The following ERC2 variants were observed in gnomAD, a reference collection of about 807,000 sequenced individuals.
ERC2 encodes the protein ERC protein 2.
A neutral mutation model predicts 114.8 loss-of-function variants in ERC2; 42 were observed. The observed-to-expected ratio is 0.37, with a 90% confidence interval of 0.29 to 0.47. ERC2 has a LOEUF of 0.47. ERC2 is among the 20% of genes least tolerant of loss of function. The pLI is 0.99. For synonymous variants in ERC2, 454 were observed against 425.5 expected, an observed-to-expected ratio of 1.07 and a Z score of -0.82; for missense variants, 939 against 1,150.7, an observed-to-expected ratio of 0.82 and a Z score of 2.66.
chr3:55,602,772 T>A (rs1374741394), intron 17 of ERC2, among the ~76,000 whole-genome samples: 1 of 152,088 alleles, frequency 6.6e-6, no homozygotes, highest in Non-Finnish European at 1.5e-5. Flanking sequence ...GAACGCCTGA[T>A]CATCTTTCAT....
At chr3:56,426,655 G>C (rs866732745) in intron 2 of ERC2, among the ~76,000 whole-genome samples, 30 of 152,202 alleles carry the variant, frequency 2.0e-4, no homozygotes, top group African/African-American at 7.0e-4. Context: ...TCCACCATGA[G>C]AAGATGAAGC....
chr3:55,993,960 A>T (rs2071282232), intron 10 of ERC2, among the ~76,000 whole-genome samples: 1 of 152,134 alleles, frequency 6.6e-6, no homozygotes, highest in African/African-American at 2.4e-5. Flanking sequence ...TAGAGCAGAA[A>T]TTCTATTTTA....
intron 3 of ERC2, among the ~76,000 whole-genome samples, chr3:56,260,708 A>G (rs1460656620): frequency 1.3e-5 from 2 of 151,912 alleles, no homozygotes; most frequent in African/African-American, 4.8e-5. Flanking sequence ...CTCCCTCCAT[A>G]CCCTGACCTG....
intron 7 of ERC2, among the ~76,000 whole-genome samples, chr3:56,037,783 T>C (rs1426040230): frequency 6.6e-6 from 1 of 151,556 alleles, no homozygotes; most frequent in Non-Finnish European, 1.5e-5. Flanking sequence ...GAAGGAAAAA[T>C]GTTAAGGGCA....
intron 14 of ERC2, among the ~76,000 whole-genome samples, chr3:55,819,652 C>T (rs1022323847): frequency 2.6e-5 from 4 of 152,194 alleles, no homozygotes; most frequent in African/African-American, 9.6e-5. Context: ...AAAGGAAAGG[C>T]TCTGGAGCCC....
At chr3:56,001,699 A>G (rs983528647) in intron 10 of ERC2, among the ~76,000 whole-genome samples, 1 of 152,114 alleles carries the variant, frequency 6.6e-6, no homozygotes, top group Non-Finnish European at 1.5e-5. Flanking sequence ...ACCTATCCTG[A>G]CAGGGAGAGT....
intron 7 of ERC2, among the ~76,000 whole-genome samples, chr3:56,068,089 G>A (rs568567473): frequency 1.3e-5 from 2 of 152,122 alleles, no homozygotes; most frequent in Non-Finnish European, 2.9e-5. Context: ...CTTTTCAATT[G>A]TTTGGAAATA....
intron 17 of ERC2, chr3:55,658,706 A>G (rs541487776): frequency 4.1e-4 from 63 of 152,700 alleles, no homozygotes; most frequent in Non-Finnish European, 5.3e-4. Flanking sequence ...GAGCCACATA[A>G]TCAGAAGACT....
At chr3:56,084,867 T>A (rs1487919196) in intron 6 of ERC2, among the ~76,000 whole-genome samples, 59 of 132,982 alleles carry the variant, frequency 4.4e-4, no homozygotes, top group South Asian at 9.4e-4. Flanking sequence ...ATTTAAAAAT[T>A]AAAAAAAAAA....
At chr3:56,138,762 G>A (rs946594730) in intron 6 of ERC2, among the ~76,000 whole-genome samples, 2 of 152,164 alleles carry the variant, frequency 1.3e-5, no homozygotes, top group Admixed American at 6.5e-5. Flanking sequence ...ATTGCCTGCT[G>A]CATTTGATAA....
At chr3:55,717,594 T>C (rs1055264954) in intron 15 of ERC2, among the ~76,000 whole-genome samples, 1 of 152,172 alleles carries the variant, frequency 6.6e-6, no homozygotes, top group Non-Finnish European at 1.5e-5. Context: ...GGTTTCTGTT[T>C]GGTTTGTTCG....
intron 10 of ERC2, among the ~76,000 whole-genome samples, chr3:56,000,966 T>C (rs754795240): frequency 2.0e-5 from 3 of 151,028 alleles, no homozygotes; most frequent in Non-Finnish European, 4.4e-5. Context: ...TAGAATAGTA[T>C]ACAATCATTA....
chr3:55,826,937 C>T (rs1242527932), intron 14 of ERC2, among the ~76,000 whole-genome samples: 1 of 152,182 alleles, frequency 6.6e-6, no homozygotes, highest in Admixed American at 6.5e-5. Flanking sequence ...ACTGAAGAGC[C>T]GGCTGAAGTG....
At position 55,644,342 on chromosome 3, in the gene ERC2, T is replaced by C. The variant is rs984891333; in HGVS notation, c.*39+39452A>G. ...CATTTCTATGGGAATAAAGAAAGAC[T>C]TTGTGAAAGTTATTTATTAAGAAAA... On this transcript the variant is annotated intron_variant, in intron 17 of 17. Transcript: ENST00000288221. 2.6e-5 allele frequency among the ~76,000 whole-genome samples: 4 copies of C among 152,332 alleles called. No homozygotes were observed. The East Asian group carries it at 5.8e-4, about 22-fold the overall frequency.
At chr3:55,662,426 G>A (rs2061178210) in intron 17 of ERC2, among the ~76,000 whole-genome samples, 1 of 152,148 alleles carries the variant, frequency 6.6e-6, no homozygotes, top group Admixed American at 6.5e-5. Context: ...TATTGAAACG[G>A]AAAGTTTACC....
intron 7 of ERC2, among the ~76,000 whole-genome samples, chr3:56,039,988 C>T (rs547463232): frequency 2.6e-5 from 4 of 152,156 alleles, no homozygotes; most frequent in African/African-American, 7.2e-5. Flanking sequence ...CATGTAAAAA[C>T]CAACTAAAAT....
intron 13 of ERC2, among the ~76,000 whole-genome samples, chr3:55,897,909 T>G (rs1452455566): frequency 6.6e-6 from 1 of 152,182 alleles, no homozygotes; most frequent in African/African-American, 2.4e-5. Context: ...TTCTCCTCAT[T>G]GAAGTTTAAG....
In ERC2 at chr3:56,348,897, AAGGAAGGAAAGAAGGAAGGAAG is replaced by A. The variant is rs1560642320; in HGVS notation, c.658-52484_658-52463del. 9.2e-3 allele frequency among the ~76,000 whole-genome samples: 640 copies of A among 69,776 alleles called. 2 individuals carry two copies. Among genetic ancestry groups the A allele is most frequent in the African/African-American group, 0.024 (477 of 19,940 alleles). 45.8% of individuals were successfully genotyped at this position (69,776 alleles called of 152,430 possible). A position where few individuals can be genotyped will look rare whatever the true frequency, so the allele number is the denominator to read the frequency against. ...GAAGGAAGGAAGGAAGGAAGGAAGG[AAGGAAGGAAAGAAGGAAGGAAG>A]GAAGGAAGGAAGGAAGGAAGGAAGG... On this transcript the variant is annotated intron_variant, in intron 2 of 17. Transcript: ENST00000288221.
chr3:56,119,165 G>A (rs2079431714), intron 6 of ERC2, among the ~76,000 whole-genome samples: 1 of 152,182 alleles, frequency 6.6e-6, no homozygotes, highest in African/African-American at 2.4e-5. Flanking sequence ...GCCATAGTTT[G>A]TTGACCTCTG....
Sources: allele counts gnomAD v4.1 joint callset (sites outside exome capture counted in the v4.1 genomes callset), GRCh38; gene constraint gnomAD v4.1.1; transcripts MANE v1.5; gene names NCBI Gene and HGNC (gene_info 2026-07-23, HGNC 2026-07-21).